Variants in PIP4K2A observed in about 807,000 individuals in gnomAD.
PIP4K2A encodes phosphatidylinositol 5-phosphate 4-kinase type-2 alpha.
A neutral mutation model predicts 42.9 loss-of-function variants in PIP4K2A; 14 were observed. That is an observed-to-expected ratio of 0.33 (90% CI 0.22 to 0.51). The LOEUF (loss-of-function observed/expected upper bound fraction) is 0.51, where lower values mean the gene tolerates loss of function less well. Among genes scored for constraint, PIP4K2A ranks in the 20% least tolerant of loss-of-function variants. The pLI is 0.97. For missense variants in PIP4K2A, 434 were observed against 519.8 expected, an observed-to-expected ratio of 0.83 and a Z score of 1.61; for synonymous variants, 192 against 192.2, an observed-to-expected ratio of 1.00 and a Z score of 0.01.
At chr10:22,712,913 G>GGGGTGTGTGTGT (rs775265774) in intron 1 of PIP4K2A, among the ~76,000 whole-genome samples, 42 of 147,602 alleles carry the variant, frequency 2.8e-4, no homozygotes, top group African/African-American at 9.5e-4. Context: ...CTACATTGAG[G>GGGGTGTGTGTGT]GTGTGTGTGT....
intron 6 of PIP4K2A, among the ~76,000 whole-genome samples, chr10:22,566,391 A>G (rs1836848791): frequency 6.6e-6 from 1 of 152,176 alleles, no homozygotes; most frequent in East Asian, 1.9e-4. Context: ...CTTGTTTGCT[A>G]TTTCAGGGAG....
At chr10:22,691,776 C>T (rs1476819071) in intron 1 of PIP4K2A, 1 of 152,198 alleles carries the variant, frequency 6.6e-6, no homozygotes, top group Non-Finnish European at 1.5e-5. Flanking sequence ...AACAACACAA[C>T]TCTAACTTCC....
intron 8 of PIP4K2A, 32 bp downstream of exon 8, chr10:22,541,772 A>G: frequency 2.0e-6 from 3 of 1,504,294 alleles, no homozygotes; most frequent in Non-Finnish European, 2.7e-6. Context: ...ACCACTTCAC[A>G]TGCAAAAAGG....
At chr10:22,576,316 T>A (rs553988646) in intron 4 of PIP4K2A, among the ~76,000 whole-genome samples, 2 of 152,194 alleles carry the variant, frequency 1.3e-5, no homozygotes, top group Non-Finnish European at 2.9e-5. Flanking sequence ...CACGATGCGC[T>A]GTTGTAGGCA....
At chr10:22,615,343 C>G (rs2130724862) in intron 1 of PIP4K2A, among the ~76,000 whole-genome samples, 1 of 152,310 alleles carries the variant, frequency 6.6e-6, no homozygotes, top group African/African-American at 2.4e-5. Context: ...CTTGCCTCAG[C>G]CTCTCAAAGT....
intron 1 of PIP4K2A, among the ~76,000 whole-genome samples, chr10:22,683,275 A>C (rs1021735516): frequency 6.6e-6 from 1 of 152,120 alleles, no homozygotes; most frequent in African/African-American, 2.4e-5. Flanking sequence ...AGGCTTTAAC[A>C]GTATTTGCAT....
At chr10:22,592,748 T>C (rs933764424) in intron 3 of PIP4K2A, among the ~76,000 whole-genome samples, 1 of 152,188 alleles carries the variant, frequency 6.6e-6, no homozygotes, top group Admixed American at 6.5e-5. Context: ...CGTCCAGCCA[T>C]GGGGTCTAGC....
At chr10:22,652,014 G>T (rs1200701793) in intron 1 of PIP4K2A, among the ~76,000 whole-genome samples, 2 of 152,142 alleles carry the variant, frequency 1.3e-5, no homozygotes, top group Non-Finnish European at 2.9e-5. Flanking sequence ...ATCTAAATCA[G>T]CTCCTGTAGA....
intron 1 of PIP4K2A, among the ~76,000 whole-genome samples, chr10:22,702,830 T>C (rs1420878226): frequency 4.6e-5 from 7 of 152,118 alleles, no homozygotes; most frequent in Non-Finnish European, 2.9e-5. Flanking sequence ...CATTCAACAA[T>C]ATGTACTGAG....
At chr10:22,627,591 TA>T (rs57671642) in intron 1 of PIP4K2A, among the ~76,000 whole-genome samples, 92 of 56,984 alleles carry the variant, frequency 1.6e-3, no homozygotes, top group Middle Eastern at 0.018. Flanking sequence ...TAATATGTAA[TA>T]AAAAAAAAAA....
intron 9 of PIP4K2A, among the ~76,000 whole-genome samples, chr10:22,537,907 T>G (rs1835978515): frequency 6.6e-6 from 1 of 152,074 alleles, no homozygotes; most frequent in Non-Finnish European, 1.5e-5. Context: ...GGAGCTGACT[T>G]CCCTCTGCAG....
chr10:22,625,136 ACAGTTCTTC>A (rs967977241), intron 1 of PIP4K2A, among the ~76,000 whole-genome samples: 1 of 152,238 alleles, frequency 6.6e-6, no homozygotes, highest in African/African-American at 2.4e-5. Context: ...GGCCAGTGAT[ACAGTTCTTC>A]CACTTGTATT....
Position 22,638,918 on chromosome 10 carries a change from TTCA to T in PIP4K2A, c.145-29204_145-29202del, listed in dbSNP as rs72349067. On this transcript the variant is annotated intron_variant, in intron 1 of 9. Transcript: ENST00000376573. ...AATATTAGCACTTGTTAAAGTCTTCTTCAGACAGTGTTTTTGTTAGCACCACCC... is the reference window on the plus strand; with the variant it reads ...AATATTAGCACTTGTTAAAGTCTTCTGACAGTGTTTTTGTTAGCACCACCC... Among the ~76,000 whole-genome samples, 875 of 151,230 alleles carry T rather than the reference TTCA, an allele frequency of 5.8e-3. 5 individuals carry two copies. Among genetic ancestry groups the T allele is most frequent in the African/African-American group, 0.02 (825 of 41,430 alleles).
chr10:22,703,390 C>G (rs1833753009), intron 1 of PIP4K2A, among the ~76,000 whole-genome samples: 1 of 152,116 alleles, frequency 6.6e-6, no homozygotes, highest in Non-Finnish European at 1.5e-5. Context: ...GCCCAGGTAA[C>G]AGAGCGAGAC....
At chr10:22,631,156 C>G (rs1481374606) in intron 1 of PIP4K2A, among the ~76,000 whole-genome samples, 2 of 152,136 alleles carry the variant, frequency 1.3e-5, no homozygotes, top group East Asian at 3.8e-4. Flanking sequence ...GCAATAATCC[C>G]TCTTCCAAAT....
Position 22,539,964 on chromosome 10 carries a change from TACTC to T in PIP4K2A, c.1140+3_1140+6del, listed in dbSNP as rs1836062414. The T allele has an allele frequency of 2.0e-6, 3 of 1,484,256 alleles. No individual in the cohort carries two copies. The highest frequency in any genetic ancestry group is 1.9e-6 in the Non-Finnish European group (2 of 1,065,172). The allele number at this position is 1,484,256 out of a possible 1,614,324, so 91.9% of individuals were successfully genotyped here. A position where few individuals can be genotyped will look rare whatever the true frequency, so the allele number is the denominator to read the frequency against. On this transcript the variant is annotated splice_donor_5th_base_variant and intron_variant, in intron 9 of 9. Coordinates refer to ENST00000376573, the MANE Select transcript of PIP4K2A (RefSeq NM_005028.5). ...AAGAGAGAAGGAAACAAAATGGAGATACTCACGCCATGTTTAACAGTTTTTGCAG... is the reference window on the plus strand; with the variant it reads ...AAGAGAGAAGGAAACAAAATGGAGATACGCCATGTTTAACAGTTTTTGCAG...
rs189220736 is a variant in PIP4K2A, at chr10:22,573,815, C to A, written c.493-358G>T. On this transcript the variant is annotated intron_variant, in intron 4 of 9. Coordinates refer to ENST00000376573, the MANE Select transcript of PIP4K2A (RefSeq NM_005028.5). ...ACCTAGCGCCTCTGTCTTCTACCCCCAAAGCCCTGACTACAAGGCTGAGGC... is the reference window on the plus strand; with the variant it reads ...ACCTAGCGCCTCTGTCTTCTACCCCAAAAGCCCTGACTACAAGGCTGAGGC... 6.3e-3 allele frequency among the ~76,000 whole-genome samples: 965 copies of A among 152,344 alleles called. 8 individuals are homozygous for A. The highest frequency in any genetic ancestry group is 0.022 in the African/African-American group (903 of 41,580).
intron 1 of PIP4K2A, among the ~76,000 whole-genome samples, chr10:22,614,658 A>G (rs763460875): frequency 5.9e-5 from 9 of 152,322 alleles, no homozygotes; most frequent in Non-Finnish European, 1.2e-4. Flanking sequence ...GAGCCTCTAT[A>G]TTATTTTTTC....
chr10:22,596,876 T>TC (rs1278201766), intron 3 of PIP4K2A, among the ~76,000 whole-genome samples: 2 of 152,128 alleles, frequency 1.3e-5, no homozygotes, highest in South Asian at 2.1e-4. Flanking sequence ...AGCCTCCATC[T>TC]CCCCCTGCCG....
Sources: allele counts gnomAD v4.1 joint callset (sites outside exome capture counted in the v4.1 genomes callset), GRCh38; gene constraint gnomAD v4.1.1; transcripts MANE v1.5; gene names NCBI Gene and HGNC (gene_info 2026-07-23, HGNC 2026-07-21).